Variants in FGF1 observed in about 807,000 individuals in gnomAD.
The protein encoded by FGF1 is beta-endothelial cell growth factor.
A neutral mutation model predicts 13.4 loss-of-function variants in FGF1; 9 were observed. The observed-to-expected ratio is 0.67, with a 90% confidence interval of 0.40 to 1.17. The LOEUF (loss-of-function observed/expected upper bound fraction) is 1.17, where lower values mean the gene tolerates loss of function less well. Among genes scored for constraint, FGF1 ranks in the 50% most tolerant of loss-of-function variants. The pLI, the probability that FGF1 is intolerant of heterozygous loss-of-function variation, is 0.01. For missense variants in FGF1, 156 were observed against 192.7 expected (o/e 0.81, Z 1.13); for synonymous variants, 93 against 79.0 (o/e 1.18, Z -0.94).
At chr5:142,671,313 C>T (rs979848179) in intron 1 of FGF1, among the ~76,000 whole-genome samples, 4 of 152,120 alleles carry the variant, frequency 2.6e-5, no homozygotes. Context: ...CTTCTTTGGT[C>T]TGTGTTTTAG....
chr5:142,601,153 C>T (rs751474808), intron 2 of FGF1: 6 of 512,976 alleles, frequency 1.2e-5, no homozygotes, highest in South Asian at 7.3e-5. Flanking sequence ...GGAAATGGCA[C>T]TCACTCCCCC....
chr5:142,616,211 C>T (rs568496136), intron 1 of FGF1, among the ~76,000 whole-genome samples: 7 of 152,306 alleles, frequency 4.6e-5, no homozygotes, highest in South Asian at 2.1e-4. Context: ...AATGAGGGCT[C>T]ATGTTGGAAG....
At chr5:142,626,651 C>T (rs1007593326) in intron 1 of FGF1, 1 of 152,208 alleles carries the variant, frequency 6.6e-6, no homozygotes, top group African/African-American at 2.4e-5. Context: ...TTTGCAAGTT[C>T]CTCCCCTGAT....
At chr5:142,609,490 G>C (rs1417894292) in intron 2 of FGF1, among the ~76,000 whole-genome samples, 1 of 152,196 alleles carries the variant, frequency 6.6e-6, no homozygotes, top group Non-Finnish European at 1.5e-5. Flanking sequence ...GTCAATCACA[G>C]AGCAGACTTG....
At chr5:142,647,069 G>A (rs969314864) in intron 1 of FGF1, among the ~76,000 whole-genome samples, 2 of 152,202 alleles carry the variant, frequency 1.3e-5, no homozygotes, top group African/African-American at 4.8e-5. Context: ...AAGAAAAGTG[G>A]TGAAGAGAGG....
chr5:142,681,712 C>T (rs866909929), intron 1 of FGF1, among the ~76,000 whole-genome samples: 14 of 152,208 alleles, frequency 9.2e-5, no homozygotes, highest in South Asian at 2.1e-4. Context: ...AGCACAGGCT[C>T]GCTGGACAGC....
At chr5:142,596,194 GCA>G (rs1219183026) in intron 3 of FGF1, among the ~76,000 whole-genome samples, 2 of 152,246 alleles carry the variant, frequency 1.3e-5, no homozygotes, top group Non-Finnish European at 2.9e-5. Flanking sequence ...TTGTGGTCAG[GCA>G]CAGTGGCTCA....
Position 142,593,358 on chromosome 5 carries a change from T to G in FGF1, c.*1932A>C, listed in dbSNP as rs946074539. 4.6e-5 allele frequency: 7 copies of G among 152,184 alleles called. No homozygotes were observed. Among genetic ancestry groups the G allele is most frequent in the Non-Finnish European group, 7.3e-5 (5 of 68,036 alleles). 9.4% of individuals were successfully genotyped at this position (152,184 alleles called of 1,614,324 possible). A position where few individuals can be genotyped will look rare whatever the true frequency, so the allele number is the denominator to read the frequency against. ...TATCCAAGTAACAAAAACAAAAAAG[T>G]TATGAAATTATTTTGCTGCACAAAT... On this transcript the variant is annotated 3_prime_UTR_variant, in exon 4 of 4. Transcript: ENST00000337706.
chr5:142,676,987 C>T (rs1772742326), intron 1 of FGF1, among the ~76,000 whole-genome samples: 1 of 152,120 alleles, frequency 6.6e-6, no homozygotes, highest in Admixed American at 6.5e-5. Flanking sequence ...ACTTAAATAC[C>T]ACCTTATCAC....
At chr5:142,626,373 A>T (rs1379074539) in intron 1 of FGF1, among the ~76,000 whole-genome samples, 1 of 152,194 alleles carries the variant, frequency 6.6e-6, no homozygotes, top group East Asian at 1.9e-4. Context: ...TTCTAAGATC[A>T]TACCACTAAA....
At chr5:142,663,569 A>T (rs1448879154) in intron 1 of FGF1, among the ~76,000 whole-genome samples, 1 of 152,222 alleles carries the variant, frequency 6.6e-6, no homozygotes, top group East Asian at 1.9e-4. Context: ...AGAAGGCAAG[A>T]AGATACTCCG....
chr5:142,633,494 A>G (rs1763695214), intron 1 of FGF1, among the ~76,000 whole-genome samples: 3 of 152,184 alleles, frequency 2.0e-5, no homozygotes, highest in Admixed American at 1.3e-4. Context: ...ATCTCCTTGT[A>G]AAAAAGAGGC....
intron 1 of FGF1, among the ~76,000 whole-genome samples, chr5:142,627,670 A>AG (rs1762690840): frequency 6.6e-6 from 1 of 152,200 alleles, no homozygotes; most frequent in Admixed American, 6.5e-5. Flanking sequence ...GCAGGGGAGC[A>AG]GGGCCCAGGA....
In FGF1 at chr5:142,592,855, G is replaced by A; in HGVS notation, c.*2435C>T. 1 of 159,682 alleles carries A rather than the reference G, an allele frequency of 6.3e-6. No individual in the cohort carries two copies. The highest frequency in any genetic ancestry group is 2.4e-5 in the African/African-American group (1 of 41,904). 9.9% of individuals were successfully genotyped at this position (159,682 alleles called of 1,614,324 possible). On this transcript the variant is annotated 3_prime_UTR_variant, in exon 4 of 4. Transcript: ENST00000337706. Reference sequence around the variant, plus strand: ...GGGTTTCTGGGATTTGCTTTATTCAGCAGGAACCTACAAAGTCTGTGTTTA... The same window carrying A: ...GGGTTTCTGGGATTTGCTTTATTCAACAGGAACCTACAAAGTCTGTGTTTA...
At chr5:142,600,990 T>C in intron 2 of FGF1, 185 bp from the exon 3 acceptor site, 2 of 632,682 alleles carry the variant, frequency 3.2e-6, no homozygotes, top group Admixed American at 2.3e-5. Flanking sequence ...CAAAGAAAGC[T>C]GTCCATTGGG....
intron 1 of FGF1, among the ~76,000 whole-genome samples, chr5:142,645,951 TA>T (rs1765976412): frequency 6.6e-6 from 1 of 152,188 alleles, no homozygotes; most frequent in Admixed American, 6.5e-5. Flanking sequence ...CTTTGTCGCC[TA>T]GGCTGAAGCG....
intron 3 of FGF1, among the ~76,000 whole-genome samples, chr5:142,599,487 A>C (rs1756008922): frequency 1.3e-5 from 2 of 152,128 alleles, no homozygotes; most frequent in African/African-American, 4.8e-5. Context: ...AATTCCCCCT[A>C]CTGACTGTCT....
intron 3 of FGF1, among the ~76,000 whole-genome samples, chr5:142,596,802 T>G (rs1253960129): frequency 6.6e-6 from 1 of 152,112 alleles, no homozygotes; most frequent in Non-Finnish European, 1.5e-5. Flanking sequence ...AATATACCTT[T>G]ACTTTGTAAA....
intron 3 of FGF1, 88 bp from the exon 4 acceptor site, chr5:142,595,572 A>C: frequency 9.2e-7 from 1 of 1,091,058 alleles, no homozygotes; most frequent in Non-Finnish European, 1.3e-6. Flanking sequence ...GACATTGGGC[A>C]AAATACTAAA....
Sources: allele counts gnomAD v4.1 joint callset (sites outside exome capture counted in the v4.1 genomes callset), GRCh38; gene constraint gnomAD v4.1.1; transcripts MANE v1.5; gene names NCBI Gene and HGNC (gene_info 2026-07-23, HGNC 2026-07-21).